Variants in NAV2 observed in about 807,000 individuals in gnomAD.
The protein encoded by NAV2 is neuron navigator 2, also known as helicase, APC down-regulated 1.
In NAV2, 54 loss-of-function variants were observed where a neutral mutation model predicts 223.2. That is an observed-to-expected ratio of 0.24 (90% CI 0.19 to 0.30). The LOEUF is 0.30. NAV2 is among the 10% of genes least tolerant of loss of function. The pLI, the probability that NAV2 is intolerant of heterozygous loss-of-function variation, is 1.00. For missense variants in NAV2, 2,806 were observed against 3,147.5 expected (o/e 0.89, Z 2.60); for synonymous variants, 1,279 against 1,239.3 (o/e 1.03, Z -0.67).
At chr11:19,418,798 T>C (rs1850488204) in intron 1 of NAV2, among the ~76,000 whole-genome samples, 1 of 152,030 alleles carries the variant, frequency 6.6e-6, no homozygotes, top group Non-Finnish European at 1.5e-5. Context: ...GTGATCAGAG[T>C]TGCATCTGCT....
chr11:19,478,942 G>T (rs746964655), intron 1 of NAV2, among the ~76,000 whole-genome samples: 1 of 152,204 alleles, frequency 6.6e-6, no homozygotes, highest in East Asian at 1.9e-4. Context: ...CACGAGACAG[G>T]TGCACATTTT....
intron 11 of NAV2, among the ~76,000 whole-genome samples, chr11:19,992,885 G>A (rs949523919): frequency 2.6e-5 from 4 of 152,102 alleles, no homozygotes; most frequent in African/African-American, 7.2e-5. Flanking sequence ...GAGCCACTGC[G>A]CCCCACCTGA....
At chr11:19,463,852 T>C (rs1590252728) in intron 1 of NAV2, among the ~76,000 whole-genome samples, 1 of 151,540 alleles carries the variant, frequency 6.6e-6, no homozygotes, top group Non-Finnish European at 1.5e-5. Context: ...ACAGTGGCAG[T>C]AGGGAAGGGC....
At chr11:19,707,149 G>A (rs1159168833) in intron 1 of NAV2, among the ~76,000 whole-genome samples, 1 of 152,140 alleles carries the variant, frequency 6.6e-6, no homozygotes, top group East Asian at 1.9e-4. Flanking sequence ...AAAGGCCTAG[G>A]ACATTGCTGT....
At chr11:19,620,387 C>T (rs1039090569) in intron 1 of NAV2, among the ~76,000 whole-genome samples, 2 of 152,134 alleles carry the variant, frequency 1.3e-5, no homozygotes, top group Non-Finnish European at 2.9e-5. Flanking sequence ...TCTTCCTATC[C>T]GTGAGCATGG....
intron 1 of NAV2, among the ~76,000 whole-genome samples, chr11:19,386,062 C>A (rs576945825): frequency 6.6e-6 from 1 of 152,272 alleles, no homozygotes; most frequent in East Asian, 1.9e-4. Flanking sequence ...CCACACCCAG[C>A]CCAATATAGC....
intron 1 of NAV2, among the ~76,000 whole-genome samples, chr11:19,656,540 T>C (rs1238168800): frequency 6.6e-6 from 1 of 152,200 alleles, no homozygotes; most frequent in Non-Finnish European, 1.5e-5. Flanking sequence ...TGTTAAAATG[T>C]TGGATTTCAC....
chr11:19,802,884 G>T (rs1590631232), intron 1 of NAV2, among the ~76,000 whole-genome samples: 1 of 152,090 alleles, frequency 6.6e-6, no homozygotes, highest in African/African-American at 2.4e-5. Flanking sequence ...TCTTTCCTAA[G>T]AAGCCATTAA....
At chr11:19,405,907 A>G (rs892992202) in intron 1 of NAV2, among the ~76,000 whole-genome samples, 5 of 152,216 alleles carry the variant, frequency 3.3e-5, no homozygotes, top group Admixed American at 1.3e-4. Flanking sequence ...GAGGGATGTC[A>G]TAGTCATCGC....
intron 1 of NAV2, among the ~76,000 whole-genome samples, chr11:19,447,862 TATGAGAG>T (rs1016967451): frequency 3.9e-5 from 6 of 152,118 alleles, no homozygotes; most frequent in African/African-American, 1.2e-4. Context: ...TGCAGTGAGA[TATGAGAG>T]ATGAGGCACA....
chr11:20,047,228 G>C (rs1387198503), intron 14 of NAV2, among the ~76,000 whole-genome samples: 3 of 152,158 alleles, frequency 2.0e-5, no homozygotes, highest in African/African-American at 7.2e-5. Flanking sequence ...CATTTTACTA[G>C]ACCCTTAGGC....
At chr11:19,653,162 A>C (rs1221193435) in intron 1 of NAV2, among the ~76,000 whole-genome samples, 1 of 152,224 alleles carries the variant, frequency 6.6e-6, no homozygotes. Context: ...GCCACTGAGC[A>C]ACAGAGGAGC....
chr11:19,601,824 G>A (rs2046357678), intron 1 of NAV2, among the ~76,000 whole-genome samples: 1 of 152,202 alleles, frequency 6.6e-6, no homozygotes, highest in Non-Finnish European at 1.5e-5. Context: ...GCCAGGTTAT[G>A]GAAAAGTGGG....
rs1021868044 is a variant in NAV2 at position 19,658,876 on chromosome 11, G to A, written c.76-173608G>A. Among the ~76,000 whole-genome samples the A allele has an allele frequency of 3.3e-5, 5 of 152,066 alleles. No homozygotes were observed. In the East Asian group the frequency reaches 7.7e-4, roughly 23 times the overall value. On this transcript the variant is annotated intron_variant, in intron 1 of 37. Coordinates refer to the NAV2 transcript ENST00000360655. ...ATTTAAGCTGACATTTAGAATCAAG[G>A]GTGCTCAGCTGGAGGCACAGGAAAG...
intron 1 of NAV2, among the ~76,000 whole-genome samples, chr11:19,542,933 G>A (rs115614445): frequency 6.6e-6 from 1 of 152,210 alleles, no homozygotes; most frequent in African/African-American, 2.4e-5. Flanking sequence ...GAGAAGGCAG[G>A]TTCCCTGATC....
intron 1 of NAV2, among the ~76,000 whole-genome samples, chr11:19,677,432 C>T (rs915671885): frequency 6.6e-6 from 1 of 152,378 alleles, no homozygotes; most frequent in African/African-American, 2.4e-5. Context: ...TCCTACTCGG[C>T]TTGTGATCAG....
chr11:19,969,537 TG>T (rs1359278028), intron 10 of NAV2, among the ~76,000 whole-genome samples: 3 of 152,182 alleles, frequency 2.0e-5, no homozygotes, highest in Non-Finnish European at 4.4e-5. Flanking sequence ...AGACCCTCGG[TG>T]GATGCCTGAA....
intron 1 of NAV2, among the ~76,000 whole-genome samples, chr11:19,474,880 G>A (rs2042069924): frequency 6.6e-6 from 1 of 152,196 alleles, no homozygotes; most frequent in African/African-American, 2.4e-5. Flanking sequence ...CATCTGTGAA[G>A]TGGCAGTCAC....
intron 1 of NAV2, among the ~76,000 whole-genome samples, chr11:19,770,446 G>A (rs1219149263): frequency 6.6e-6 from 1 of 151,998 alleles, no homozygotes; most frequent in East Asian, 1.9e-4. Context: ...GGGGTCAGAG[G>A]TCTCCCAAAG....
Sources: gnomAD v4.1 joint callset for allele counts (sites outside exome capture counted in the v4.1 genomes callset) on GRCh38, gnomAD v4.1.1 for gene constraint, MANE v1.5 for transcripts, NCBI Gene and HGNC (gene_info 2026-07-23, HGNC 2026-07-21) for gene names.